The following CPA6 variants were observed in gnomAD, a reference collection of about 807,000 sequenced individuals.
CPA6 encodes carboxypeptidase A6, also known as carboxypeptidase B.
A neutral mutation model predicts 63.3 loss-of-function variants in CPA6; 58 were observed. The ratio of observed to expected loss-of-function variants is 0.92; its 90% CI spans 0.74 to 1.14. The LOEUF is 1.14. CPA6 is among the 50% of genes most tolerant of loss of function. The pLI is 0.00. For missense variants in CPA6, 565 were observed against 526.6 expected, an observed-to-expected ratio of 1.07 and a Z score of -0.71; for synonymous variants, 185 against 179.0, an observed-to-expected ratio of 1.03 and a Z score of -0.27.
chr8:67,673,324 C>T (rs1816389583), intron 1 of CPA6, among the ~76,000 whole-genome samples: 1 of 149,812 alleles, frequency 6.7e-6, no homozygotes, highest in Non-Finnish European at 1.5e-5. Flanking sequence ...TTCAGTGTTG[C>T]ATGATTTTTA....
intron 1 of CPA6, among the ~76,000 whole-genome samples, chr8:67,653,115 C>A (rs970612770): frequency 6.6e-6 from 1 of 151,874 alleles, no homozygotes; most frequent in Admixed American, 6.6e-5. Context: ...TGTTTTGGTA[C>A]CAGTACCATG....
At chr8:67,582,442 G>T (rs999826309) in intron 2 of CPA6, among the ~76,000 whole-genome samples, 3 of 152,190 alleles carry the variant, frequency 2.0e-5, no homozygotes, top group African/African-American at 7.2e-5. Flanking sequence ...AGAAGAGGCA[G>T]ATGAAAAATA....
In CPA6 at chr8:67,713,093, G is replaced by A. The variant is rs1482761639; in HGVS notation, c.116+32921C>T. ...TGTATCTGTGTGTGTATGTGTGTGT[G>A]TGTGTGTATATATATATATATATAT... On this transcript the variant is annotated intron_variant, in intron 1 of 10. Coordinates refer to ENST00000297770, the MANE Select transcript of CPA6 (RefSeq NM_020361.5). 9.4e-3 allele frequency among the ~76,000 whole-genome samples: 822 copies of A among 87,536 alleles called. 5 individuals are homozygous for A. Among genetic ancestry groups the A allele is most frequent in the Non-Finnish European group, 0.014 (641 of 45,936 alleles). The allele number at this position is 87,536 out of a possible 152,430, so 57.4% of individuals were successfully genotyped here.
intron 2 of CPA6, among the ~76,000 whole-genome samples, chr8:67,531,194 G>T (rs1365673654): frequency 6.6e-6 from 1 of 152,114 alleles, no homozygotes; most frequent in Non-Finnish European, 1.5e-5. Context: ...ATTATCAACA[G>T]GGGAAGGGTA....
At chr8:67,653,641 G>T (rs1293803119) in intron 1 of CPA6, among the ~76,000 whole-genome samples, 1 of 151,914 alleles carries the variant, frequency 6.6e-6, no homozygotes, top group Non-Finnish European at 1.5e-5. Context: ...GGAGATTTTG[G>T]GCTGAGACAA....
intron 1 of CPA6, among the ~76,000 whole-genome samples, chr8:67,702,121 C>A (rs2128998869): frequency 6.6e-6 from 1 of 152,262 alleles, no homozygotes; most frequent in South Asian, 2.1e-4. Context: ...TGGTGATAAG[C>A]AGCTTCCCAA....
At position 67,585,728 on chromosome 8, in the gene CPA6, C is replaced by T. The variant is rs928242722; in HGVS notation, c.192+38448G>A. Reference sequence around the variant, plus strand: ...GTTGATATGATACGTAAGTGTCCTTCGTTGTGATTAGCATACACAGGGAGT... The same window carrying T: ...GTTGATATGATACGTAAGTGTCCTTTGTTGTGATTAGCATACACAGGGAGT... On this transcript the variant is annotated intron_variant, in intron 2 of 10. Transcript: ENST00000297770. 3.9e-5 allele frequency among the ~76,000 whole-genome samples: 6 copies of T among 151,956 alleles called. No homozygotes were observed. The South Asian group carries it at 8.3e-4, about 21-fold the overall frequency.
At chr8:67,666,271 T>C (rs2128993613) in intron 1 of CPA6, among the ~76,000 whole-genome samples, 1 of 152,278 alleles carries the variant, frequency 6.6e-6, no homozygotes, top group African/African-American at 2.4e-5. Context: ...GGATGCAAAA[T>C]TGATGGTAAC....
chr8:67,559,463 A>C (rs894963338), intron 2 of CPA6, among the ~76,000 whole-genome samples: 1 of 152,118 alleles, frequency 6.6e-6, no homozygotes, highest in Non-Finnish European at 1.5e-5. Context: ...CCCCTGCACT[A>C]TCCCATGGCC....
chr8:67,425,542 T>G (rs1809864107), intron 10 of CPA6, among the ~76,000 whole-genome samples: 1 of 152,004 alleles, frequency 6.6e-6, no homozygotes, highest in South Asian at 2.1e-4. Context: ...GCCCAGCTAA[T>G]TTTTTGTATT....
intron 1 of CPA6, among the ~76,000 whole-genome samples, chr8:67,721,850 A>ACC (rs1319006806): frequency 2.0e-5 from 3 of 152,196 alleles, no homozygotes; most frequent in African/African-American, 7.2e-5. Context: ...CTGCCTCTTT[A>ACC]CGTGTCTTAA....
intron 7 of CPA6, among the ~76,000 whole-genome samples, 159 bp downstream of exon 7, chr8:67,484,520 T>A (rs937131364): frequency 2.2e-4 from 34 of 152,220 alleles, no homozygotes; most frequent in Admixed American, 1.5e-3. Flanking sequence ...AATCTAATTG[T>A]TGGTGCTCTG....
intron 8 of CPA6, among the ~76,000 whole-genome samples, chr8:67,439,843 G>T (rs1232173020): frequency 6.6e-6 from 1 of 152,058 alleles, no homozygotes. Flanking sequence ...CCAGGCTGGT[G>T]TTGAATTCCT....
intron 2 of CPA6, among the ~76,000 whole-genome samples, chr8:67,605,458 T>C (rs117833295): frequency 9.9e-4 from 151 of 152,126 alleles, no homozygotes; most frequent in Non-Finnish European, 2.0e-3. Context: ...AGATTACTTA[T>C]AATGCCTAAT....
At chr8:67,745,484 T>A (rs1453396257) in intron 1 of CPA6, among the ~76,000 whole-genome samples, 2 of 152,222 alleles carry the variant, frequency 1.3e-5, no homozygotes, top group Non-Finnish European at 2.9e-5. Context: ...AATTTTACAG[T>A]TGACTACTTT....
At chr8:67,689,271 CTT>C (rs1554534547) in intron 1 of CPA6, among the ~76,000 whole-genome samples, 42 of 50,248 alleles carry the variant, frequency 8.4e-4, no homozygotes, top group Non-Finnish European at 8.6e-4. Context: ...TAAACTTCTT[CTT>C]CAAAAAAATT....
chr8:67,673,377 A>ATTATTATTATTAT (rs1465769037), intron 1 of CPA6, among the ~76,000 whole-genome samples: 2 of 131,108 alleles, frequency 1.5e-5, no homozygotes, highest in African/African-American at 3.4e-5. Flanking sequence ...TATTATTATT[A>ATTATTATTATTAT]TTATTTATTT....
intron 8 of CPA6, among the ~76,000 whole-genome samples, chr8:67,438,851 A>C (rs917662307): frequency 6.6e-6 from 1 of 152,178 alleles, no homozygotes; most frequent in Non-Finnish European, 1.5e-5. Flanking sequence ...ATATTGATTA[A>C]ATTTAGAAAT....
chr8:67,546,413 G>T (rs1218365909), intron 2 of CPA6, among the ~76,000 whole-genome samples: 1 of 152,144 alleles, frequency 6.6e-6, no homozygotes, highest in South Asian at 2.1e-4. Context: ...TGTCCCTCAA[G>T]GTTGGTTCAA....
Sources: gnomAD v4.1 joint callset for allele counts (sites outside exome capture counted in the v4.1 genomes callset) on GRCh38, gnomAD v4.1.1 for gene constraint, MANE v1.5 for transcripts, NCBI Gene and HGNC (gene_info 2026-07-23, HGNC 2026-07-21) for gene names.